The following RTL4 variants were observed in gnomAD, a reference collection of about 807,000 sequenced individuals.
RTL4 encodes retrotransposon Gag-like protein 4.
RTL4 carries 4 observed loss-of-function variants against 5.3 expected under a neutral mutation model. The observed-to-expected ratio is 0.75, with a 90% CI of 0.37 to 1.72. RTL4 has a LOEUF of 1.72. Among genes scored for constraint, RTL4 ranks in the 40% most tolerant of loss-of-function variants. RTL4 has a pLI of 0.04. For missense variants in RTL4, 260 were observed against 227.1 expected (o/e 1.14, Z -0.93); for synonymous variants, 98 against 87.3 (o/e 1.12, Z -0.68).
chrX:112,154,801 A>G, the RTL4 span, among the ~76,000 whole-genome samples: 1 of 111,454 alleles, frequency 9.0e-6, no homozygotes, highest in Non-Finnish European at 1.9e-5. Flanking sequence ...GGACCTTATT[A>G]GGTATTTTTT....
At chrX:112,116,848 T>C in the RTL4 span, among the ~76,000 whole-genome samples, 1 of 111,575 alleles carries the variant, frequency 9.0e-6, no homozygotes, top group African/African-American at 3.3e-5. Context: ...GGGTATATGA[T>C]GGACCTGTTC....
At chrX:112,275,248 A>G in the RTL4 span, among the ~76,000 whole-genome samples, 18 of 107,674 alleles carry the variant, frequency 1.7e-4, no homozygotes, top group Middle Eastern at 4.8e-3. Context: ...TCTTGCAGTC[A>G]CCATATTCAC....
the RTL4 span, among the ~76,000 whole-genome samples, chrX:112,442,032 A>G: frequency 8.9e-6 from 1 of 111,945 alleles, no homozygotes; most frequent in Non-Finnish European, 1.9e-5. Context: ...CCCAAATATT[A>G]TATGATTCCC....
the RTL4 span, among the ~76,000 whole-genome samples, chrX:112,266,629 A>G: frequency 9.0e-6 from 1 of 111,020 alleles, no homozygotes; most frequent in Non-Finnish European, 1.9e-5. Flanking sequence ...ATAACCATAC[A>G]CTGGAACAGG....
At chrX:112,407,036 A>G in the RTL4 span, among the ~76,000 whole-genome samples, 1 of 110,133 alleles carries the variant, frequency 9.1e-6, no homozygotes, top group Non-Finnish European at 1.9e-5. Context: ...TGGGTGAGAT[A>G]CACAGACTTG....
rs774074048 is a variant in RTL4 at position 112,454,743 on chromosome X, G to A, written c.15G>A (p.Thr5=). The change falls in exon 1 of 1, where the codon ACG becomes ACA. Residue 5 remains threonine (T), a synonymous_variant. Transcript: ENST00000340433. The stretch of plus-strand genomic sequence containing the variant: ...CAGGAGACATAATGGAGAAGTGCAC[G>A]AAATCATCATCTACCATGCAGGTAG... 9 of 1,185,530 alleles carry A rather than the reference G, an allele frequency of 7.6e-6. No homozygotes were observed. The East Asian group carries it at 8.9e-5, about 12-fold the overall frequency.
the RTL4 span, among the ~76,000 whole-genome samples, chrX:112,334,429 G>T: frequency 9.0e-6 from 1 of 111,705 alleles, no homozygotes; most frequent in African/African-American, 3.2e-5. Context: ...AGTGTACAGG[G>T]TTCCCTTTCC....
the RTL4 span, among the ~76,000 whole-genome samples, chrX:112,263,850 A>G: frequency 1.8e-5 from 2 of 111,929 alleles, no homozygotes. Context: ...TACATAATGT[A>G]TATGTATGTA....
At chrX:112,274,357 A>AAGTAAGC in the RTL4 span, among the ~76,000 whole-genome samples, 1 of 111,943 alleles carries the variant, frequency 8.9e-6, no homozygotes, top group Non-Finnish European at 1.9e-5. Flanking sequence ...TTCCCATTAG[A>AAGTAAGC]AGTAAGCAGT....
At chrX:112,355,029 T>C in the RTL4 span, among the ~76,000 whole-genome samples, 7 of 111,766 alleles carry the variant, frequency 6.3e-5, no homozygotes, top group Admixed American at 9.5e-5. Context: ...ATGTAAATGC[T>C]TCTTCGGTGC....
At chrX:112,337,258 G>T in the RTL4 span, among the ~76,000 whole-genome samples, 14 of 111,869 alleles carry the variant, frequency 1.3e-4, no homozygotes, top group African/African-American at 4.5e-4. Context: ...TACAGAATTG[G>T]AAAGATAGAA....
the RTL4 span, among the ~76,000 whole-genome samples, chrX:112,107,122 C>T: frequency 9.0e-6 from 1 of 111,728 alleles, no homozygotes; most frequent in African/African-American, 3.2e-5. Context: ...ATGAGTCTTA[C>T]AAGAAACCTC....
the RTL4 span, among the ~76,000 whole-genome samples, chrX:112,407,175 G>A: frequency 9.0e-6 from 1 of 110,748 alleles, no homozygotes; most frequent in African/African-American, 3.3e-5. Context: ...TCAGCCACAG[G>A]AGAGTAAAGC....
the RTL4 span, among the ~76,000 whole-genome samples, chrX:112,244,847 C>T: frequency 1.3e-4 from 14 of 111,469 alleles, no homozygotes; most frequent in African/African-American, 4.6e-4. Context: ...TGTTTCTTTC[C>T]GTGTTTAGTG....
chrX:112,139,187 A>G, the RTL4 span, among the ~76,000 whole-genome samples: 1 of 111,512 alleles, frequency 9.0e-6, no homozygotes, highest in Non-Finnish European at 1.9e-5. Flanking sequence ...CACATCACAT[A>G]ATATCAGGGG....
the RTL4 span, among the ~76,000 whole-genome samples, chrX:112,113,828 T>C: frequency 2.2e-4 from 25 of 111,991 alleles, no homozygotes; most frequent in Non-Finnish European, 3.2e-4. Context: ...GCCTGCTCCA[T>C]TTTCTATCCT....
At chrX:112,306,681 G>T in the RTL4 span, among the ~76,000 whole-genome samples, 5 of 111,605 alleles carry the variant, frequency 4.5e-5, no homozygotes, top group Non-Finnish European at 7.5e-5. Context: ...GCTTTGGCTG[G>T]GTGAGCACTG....
the RTL4 span, among the ~76,000 whole-genome samples, chrX:112,161,813 C>T: frequency 5.2e-5 from 2 of 38,102 alleles, no homozygotes; most frequent in Non-Finnish European, 1.0e-4. Context: ...TCCTTCCTTC[C>T]TTCCTTCCTT....
chrX:112,261,930 C>T, the RTL4 span, among the ~76,000 whole-genome samples: 2 of 111,718 alleles, frequency 1.8e-5, no homozygotes, highest in Admixed American at 1.9e-4. Flanking sequence ...CTGAAAAAAA[C>T]AAGCAATGGG....
Sources: gnomAD v4.1 joint callset for allele counts (sites outside exome capture counted in the v4.1 genomes callset) on GRCh38, gnomAD v4.1.1 for gene constraint, MANE v1.5 for transcripts, NCBI Gene and HGNC (gene_info 2026-07-23, HGNC 2026-07-21) for gene names.